DNAI4: variants seen among roughly 807,000 people sequenced by gnomAD.
The protein encoded by DNAI4 is dynein axonemal intermediate chain 4, also known as WD repeat domain 78.
DNAI4 carries 85 observed loss-of-function variants against 105.8 expected under a neutral mutation model. The ratio of observed to expected loss-of-function variants is 0.80; its 90% CI spans 0.67 to 0.96. DNAI4 has a LOEUF of 0.96. Ranked by LOEUF, DNAI4 falls within the 40% of genes least tolerant of loss-of-function variation. The pLI, the probability that DNAI4 is intolerant of heterozygous loss-of-function variation, is 0.00. For missense variants in DNAI4, 1,014 were observed against 1,005.6 expected (o/e 1.01, Z -0.11); for synonymous variants, 352 against 331.5 (o/e 1.06, Z -0.67).
intron 4 of DNAI4, among the ~76,000 whole-genome samples, chr1:66,887,955 T>A (rs1647283443): frequency 6.6e-6 from 1 of 151,648 alleles, no homozygotes; most frequent in Non-Finnish European, 1.5e-5. Context: ...CGAGACTTTG[T>A]CTCAAAAAAA....
chr1:66,818,418 A>G (rs1228708066), intron 16 of DNAI4, among the ~76,000 whole-genome samples: 2 of 152,120 alleles, frequency 1.3e-5, no homozygotes, highest in African/African-American at 4.8e-5. Flanking sequence ...AGAAAATTTA[A>G]TTAAATTGCA....
At chr1:66,877,843 T>G (rs944186115) in intron 4 of DNAI4, among the ~76,000 whole-genome samples, 2 of 152,184 alleles carry the variant, frequency 1.3e-5, no homozygotes, top group Non-Finnish European at 2.9e-5. Context: ...TTTGTGATTT[T>G]CTGATGTTAA....
chr1:66,844,402 C>T (rs1368512970), intron 8 of DNAI4, among the ~76,000 whole-genome samples: 2 of 151,612 alleles, frequency 1.3e-5, no homozygotes, highest in Non-Finnish European at 1.5e-5. Flanking sequence ...TCTCTACTAA[C>T]AATACAAAAA....
intron 10 of DNAI4, among the ~76,000 whole-genome samples, chr1:66,836,296 GAAAGAAAGAAAGAAAGAAAGAAAGAAA>G (rs1557909012): frequency 6.7e-6 from 1 of 149,844 alleles, no homozygotes; most frequent in Non-Finnish European, 1.5e-5. Flanking sequence ...AAGAAAGAAA[GAAAGAAAGAAAGAAAGAAAGAAAGAAA>G]GAAGGAAAGA....
At chr1:66,869,073 A>AAAATAAATAAATAAATAAATAAAT (rs547848121) in intron 6 of DNAI4, among the ~76,000 whole-genome samples, 2 of 148,744 alleles carry the variant, frequency 1.3e-5, no homozygotes, top group African/African-American at 5.1e-5. Context: ...ACTCTGTCTC[A>AAAATAAATAAATAAATAAATAAAT]AAATAAATAA....
At chr1:66,843,394 T>G (rs1010532995) in intron 8 of DNAI4, among the ~76,000 whole-genome samples, 2 of 152,190 alleles carry the variant, frequency 1.3e-5, no homozygotes, top group African/African-American at 4.8e-5. Flanking sequence ...ATTTTCTTAT[T>G]GTTGGGTTTT....
chr1:66,898,493 A>AAAT (rs1282745003), intron 2 of DNAI4, among the ~76,000 whole-genome samples: 2 of 152,288 alleles, frequency 1.3e-5, no homozygotes, highest in South Asian at 4.1e-4. Context: ...CTACCCTCAT[A>AAAT]AATAAAATAG....
chr1:66,833,565 A>G lies in DNAI4; in HGVS notation c.2013+20T>C, dbSNP rs978178387. 16 of 1,611,106 alleles carry G rather than the reference A, an allele frequency of 9.9e-6. No homozygotes were observed. The highest frequency in any genetic ancestry group is 1.4e-5 in the Non-Finnish European group (16 of 1,178,816). On this transcript the variant is annotated intron_variant, in intron 13 of 16. Transcript: ENST00000371026. ...TGGAAATTGTTATGTCCAGTGGTAA[A>G]TAAGAGTGAAATAATTTACCTTGGG...
chr1:66,869,180 A>C (rs1646791706), intron 6 of DNAI4, among the ~76,000 whole-genome samples: 3 of 151,728 alleles, frequency 2.0e-5, no homozygotes, highest in Non-Finnish European at 4.4e-5. Context: ...ATACACATGA[A>C]TATTATAAAG....
intron 2 of DNAI4, among the ~76,000 whole-genome samples, chr1:66,902,266 T>C (rs1416523919): frequency 6.6e-6 from 1 of 152,166 alleles, no homozygotes; most frequent in Non-Finnish European, 1.5e-5. Flanking sequence ...ATAATAGGTA[T>C]GAAGTGGTGT....
intron 4 of DNAI4, 153 bp downstream of exon 4, chr1:66,891,001 A>C: frequency 1.5e-6 from 1 of 663,254 alleles, no homozygotes; most frequent in South Asian, 1.8e-5. Flanking sequence ...TTAAAAAAAT[A>C]GATATTCCCC....
rs528331498 is a variant in DNAI4 at position 66,916,306 on chromosome 1, A to AT, written c.170+8355dup. ...TTACAAATAAAGAAATTGAGATTAA[A>AT]TTTTTTTTAAATTAAGGTTATTACA... On this transcript the variant is annotated intron_variant, in intron 1 of 16. Transcript: ENST00000371026. 2.2e-3 allele frequency among the ~76,000 whole-genome samples: 330 copies of AT among 152,184 alleles called. 3 individuals are homozygous for AT. Among genetic ancestry groups the AT allele is most frequent in the Non-Finnish European group, 3.3e-3 (223 of 67,994 alleles).
At chr1:66,884,201 T>C in intron 4 of DNAI4, among the ~76,000 whole-genome samples, 1 of 152,252 alleles carries the variant, frequency 6.6e-6, no homozygotes, top group East Asian at 1.9e-4. Flanking sequence ...ACTGTGTGTA[T>C]ATACCACATT....
chr1:66,818,804 T>C (rs980274162), intron 16 of DNAI4, among the ~76,000 whole-genome samples: 1 of 152,006 alleles, frequency 6.6e-6, no homozygotes, highest in Non-Finnish European at 1.5e-5. Context: ...TCACAGCTAC[T>C]GAGGAGGCTG....
intron 1 of DNAI4, among the ~76,000 whole-genome samples, chr1:66,915,816 A>C (rs1232684524): frequency 6.6e-6 from 1 of 152,124 alleles, no homozygotes; most frequent in South Asian, 2.1e-4. Context: ...AAAGAGAATA[A>C]TTTTATATGA....
intron 7 of DNAI4, among the ~76,000 whole-genome samples, chr1:66,856,279 C>T (rs968512747): frequency 6.6e-6 from 1 of 151,304 alleles, no homozygotes; most frequent in Admixed American, 6.6e-5. Flanking sequence ...ACCATCCTGG[C>T]TAATATGGTG....
intron 1 of DNAI4, among the ~76,000 whole-genome samples, chr1:66,915,264 T>C (rs1278343999): frequency 6.6e-6 from 1 of 152,226 alleles, no homozygotes; most frequent in Non-Finnish European, 1.5e-5. Flanking sequence ...AGGTTTGTTT[T>C]GGGAAAGAAC....
intron 6 of DNAI4, among the ~76,000 whole-genome samples, chr1:66,867,112 G>A (rs1219956169): frequency 2.0e-5 from 3 of 152,130 alleles, no homozygotes; most frequent in African/African-American, 7.2e-5. Flanking sequence ...GGAATTATGG[G>A]GATTAAAATT....
chr1:66,822,510 G>A lies in DNAI4; in HGVS notation c.2347C>T (p.Pro783Ser). Residue 783 changes from proline to serine, a missense_variant, in exon 16 of 17, where the codon CCT becomes TCT. Pro to Ser is a moderately conservative substitution (Grantham distance 74). Transcript: ENST00000371026. ...GGGTTAGCAGTATTCACAATCAGAGGGTCCAAACTGTAATGAAATATTTTA... is the reference window on the plus strand; with the variant it reads ...GGGTTAGCAGTATTCACAATCAGAGAGTCCAAACTGTAATGAAATATTTTA... ...IWDLHISTLD[P>S]LIVNTANPGI... is the part of the protein sequence containing the mutation. The A allele has an allele frequency of 6.3e-7, 1 of 1,584,760 alleles. No homozygotes were observed. Among genetic ancestry groups the A allele is most frequent in the Non-Finnish European group, 8.6e-7 (1 of 1,168,588 alleles).
Sources: allele counts gnomAD v4.1 joint callset (sites outside exome capture counted in the v4.1 genomes callset), GRCh38; gene constraint gnomAD v4.1.1; transcripts MANE v1.5; gene names NCBI Gene and HGNC (gene_info 2026-07-23, HGNC 2026-07-21).